Variants in DNAI7 observed in about 807,000 individuals in gnomAD.
The protein encoded by DNAI7 is dynein axonemal intermediate chain 7.
Under a neutral mutation model 86.6 loss-of-function variants are expected in DNAI7, and 78 were observed. The ratio of observed to expected loss-of-function variants is 0.90; its 90% CI spans 0.75 to 1.09. DNAI7 has a LOEUF of 1.09. Ranked by LOEUF, DNAI7 falls within the 50% of genes least tolerant of loss-of-function variation. DNAI7 has a pLI of 0.00. For missense variants in DNAI7, 753 were observed against 810.2 expected, an observed-to-expected ratio of 0.93 and a Z score of 0.86; for synonymous variants, 274 against 273.0, an observed-to-expected ratio of 1.00 and a Z score of -0.04.
chr12:25,180,775 A>C (rs1420572107), intron 2 of DNAI7, among the ~76,000 whole-genome samples: 1 of 152,094 alleles, frequency 6.6e-6, no homozygotes, highest in Non-Finnish European at 1.5e-5. Flanking sequence ...AACATATATA[A>C]AAATTAACTC....
At chr12:25,125,826 T>C (rs1942050677) in intron 9 of DNAI7, among the ~76,000 whole-genome samples, 1 of 152,204 alleles carries the variant, frequency 6.6e-6, no homozygotes. Flanking sequence ...CTTCTGCATA[T>C]GGCTAGCCAG....
At chr12:25,128,224 C>T (rs1942408338) in intron 9 of DNAI7, among the ~76,000 whole-genome samples, 1 of 152,164 alleles carries the variant, frequency 6.6e-6, no homozygotes, top group South Asian at 2.1e-4. Context: ...ATTCATTGAT[C>T]TGAAATATAC....
At chr12:25,108,075 AATATATGGATCTTG>A, downstream of DNAI7, 1 of 1,607,454 alleles carries the variant, frequency 6.2e-7, no homozygotes, top group East Asian at 2.2e-5. Context: ...AGGACATCCT[AATATATGGATCTTG>A]ATTTTTAAGT....
In DNAI7 at chr12:25,173,120, C is replaced by A. The variant is rs573300061; in HGVS notation, c.22-11923G>T. ...AAATAGCTGGGACCTAATTAAAGAC[C>A]TTTTGCATGGCAAAAGAAACAGTCA... On this transcript the variant is annotated intron_variant, in intron 2 of 15. Coordinates refer to ENST00000395987, the MANE Select transcript of DNAI7 (RefSeq NM_018272.5). Among the ~76,000 whole-genome samples the A allele has an allele frequency of 9.2e-5, 14 of 151,774 alleles. No homozygotes were observed. In the South Asian group the frequency reaches 2.3e-3, roughly 25 times the overall value.
chr12:25,195,033 A>G (rs770631005), intron 1 of DNAI7, 43 bp downstream of exon 1: 1 of 1,614,172 alleles, frequency 6.2e-7, no homozygotes, highest in Non-Finnish European at 8.5e-7. Flanking sequence ...AAGCAGAATC[A>G]GTGGTCGCCC....
chr12:25,182,374 G>T lies in DNAI7; in HGVS notation c.21+8240C>A, dbSNP rs369798959. On this transcript the variant is annotated intron_variant, in intron 2 of 15. Transcript: ENST00000395987. ...AAAAAAAAAAAAAAAAAAGACACCTGTACTAGTATTTTATTGTAGTACTAG... is the reference window on the plus strand; with the variant it reads ...AAAAAAAAAAAAAAAAAAGACACCTTTACTAGTATTTTATTGTAGTACTAG... Among the ~76,000 whole-genome samples the T allele has an allele frequency of 2.8e-3, 411 of 147,352 alleles. 2 individuals are homozygous for T. The highest frequency in any genetic ancestry group is 9.4e-3 in the African/African-American group (376 of 40,128).
intron 13 of DNAI7, 98 bp downstream of exon 13, chr12:25,114,558 T>C (rs920538420): frequency 1.4e-6 from 1 of 710,366 alleles, no homozygotes; most frequent in African/African-American, 1.8e-5. Context: ...TTTCAATATA[T>C]AAATCAGCAG....
chr12:25,174,489 C>CAT (rs1246293021), intron 2 of DNAI7, among the ~76,000 whole-genome samples: 1,387 of 14,124 alleles, frequency 0.098, 561 homozygotes, highest in Non-Finnish European at 0.16. Context: ...ATATATATAT[C>CAT]ATATATCCCA....
intron 4 of DNAI7, among the ~76,000 whole-genome samples, chr12:25,157,392 A>T (rs1946314246): frequency 6.6e-6 from 1 of 152,032 alleles, no homozygotes; most frequent in South Asian, 2.1e-4. Flanking sequence ...ATAAGGCCAG[A>T]TTTTCCTTAT....
Position 25,117,938 on chromosome 12 carries a change from C to CTTTCTTTTTTTTTTT in DNAI7, c.1396+1206_1396+1207insAAAAAAAAAAAGAAA, listed in dbSNP as rs1555154890. 1.0e-4 allele frequency among the ~76,000 whole-genome samples: 14 copies of CTTTCTTTTTTTTTTT among 135,034 alleles called. 4 individuals carry two copies. The highest frequency in any genetic ancestry group is 1.4e-4 in the Non-Finnish European group (9 of 64,064). The allele number at this position is 135,034 out of a possible 152,430, so 88.6% of individuals were successfully genotyped here. A position where few individuals can be genotyped will look rare whatever the true frequency, so the allele number is the denominator to read the frequency against. On this transcript the variant is annotated intron_variant, in intron 12 of 15. Coordinates refer to ENST00000395987, the MANE Select transcript of DNAI7 (RefSeq NM_018272.5). ...TAAACTATTTTGATATTTTCTTTTT[C>CTTTCTTTTTTTTTTT]TTTTTTTTTTTTTTTTTGAGACGGA... is the stretch of plus-strand genomic sequence containing the variant.
chr12:25,159,204 A>T (rs911024159), intron 3 of DNAI7, among the ~76,000 whole-genome samples: 5 of 152,210 alleles, frequency 3.3e-5, no homozygotes, highest in African/African-American at 1.2e-4. Context: ...CACTCACTGT[A>T]GCTTTAGATG....
intron 9 of DNAI7, among the ~76,000 whole-genome samples, chr12:25,132,760 T>C (rs1943081390): frequency 6.6e-6 from 1 of 150,496 alleles, no homozygotes; most frequent in Non-Finnish European, 1.5e-5. Flanking sequence ...CTAATTTGAT[T>C]ACTTATTTGG....
At chr12:25,165,134 C>G (rs1947313649) in intron 2 of DNAI7, among the ~76,000 whole-genome samples, 2 of 152,170 alleles carry the variant, frequency 1.3e-5, no homozygotes, top group African/African-American at 4.8e-5. Flanking sequence ...AAAAGGCCGT[C>G]TTACACTCAA....
intron 2 of DNAI7, among the ~76,000 whole-genome samples, chr12:25,172,570 A>T (rs546324774): frequency 6.6e-6 from 1 of 152,290 alleles, no homozygotes; most frequent in Admixed American, 6.5e-5. Context: ...TCAGAATACC[A>T]ACATCATTCT....
At chr12:25,186,519 A>C (rs1950051576) in intron 2 of DNAI7, among the ~76,000 whole-genome samples, 1 of 152,178 alleles carries the variant, frequency 6.6e-6, no homozygotes, top group Non-Finnish European at 1.5e-5. Flanking sequence ...ACTTCACACT[A>C]CCATGTGTAT....
At chr12:25,172,075 ACCACT>A (rs751173750) in intron 2 of DNAI7, among the ~76,000 whole-genome samples, 13 of 152,168 alleles carry the variant, frequency 8.5e-5, no homozygotes, top group Non-Finnish European at 1.3e-4. Flanking sequence ...GCCCACTCTC[ACCACT>A]CCTCTTCAAC....
chr12:25,123,904 A>G (rs1421292587), intron 9 of DNAI7, among the ~76,000 whole-genome samples: 1 of 152,182 alleles, frequency 6.6e-6, no homozygotes, highest in African/African-American at 2.4e-5. Flanking sequence ...TCTTGCAAAC[A>G]ATCCGAAGAA....
intron 2 of DNAI7, among the ~76,000 whole-genome samples, chr12:25,172,452 A>G (rs1166406509): frequency 6.6e-6 from 1 of 152,212 alleles, no homozygotes; most frequent in Non-Finnish European, 1.5e-5. Context: ...GAAATCACAG[A>G]CAACACAAAC....
At chr12:25,169,325 C>A (rs1008965627) in intron 2 of DNAI7, among the ~76,000 whole-genome samples, 17 of 152,294 alleles carry the variant, frequency 1.1e-4, no homozygotes, top group Admixed American at 1.1e-3. Context: ...ACCCCCACTC[C>A]TGCCCACTAG....
Sources: gnomAD v4.1 joint callset for allele counts (sites outside exome capture counted in the v4.1 genomes callset) on GRCh38, gnomAD v4.1.1 for gene constraint, MANE v1.5 for transcripts, NCBI Gene and HGNC (gene_info 2026-07-23, HGNC 2026-07-21) for gene names.